MED26: variants seen among roughly 807,000 people sequenced by gnomAD.
MED26 encodes mediator complex subunit 26.
In MED26, 7 loss-of-function variants were observed where a neutral mutation model predicts 43.7. The ratio of observed to expected loss-of-function variants is 0.16; its 90% CI spans 0.09 to 0.30. The LOEUF is 0.30. Ranked by LOEUF, MED26 falls within the 10% of genes least tolerant of loss-of-function variation. MED26 has a pLI of 1.00. For synonymous variants in MED26, 375 were observed against 371.1 expected, an observed-to-expected ratio of 1.01 and a Z score of -0.12; for missense variants, 784 against 840.6, an observed-to-expected ratio of 0.93 and a Z score of 0.83.
chr19:16,603,735 G>A (rs1267224130), intron 1 of MED26, among the ~76,000 whole-genome samples: 1 of 152,146 alleles, frequency 6.6e-6, no homozygotes, highest in African/African-American at 2.4e-5. Flanking sequence ...ACCCAACCTC[G>A]GCTGTTCAAG....
At chr19:16,600,592 C>T (rs777981169) in intron 1 of MED26, among the ~76,000 whole-genome samples, 6 of 152,164 alleles carry the variant, frequency 3.9e-5, no homozygotes, top group Non-Finnish European at 8.8e-5. Flanking sequence ...AGCCTCCTGC[C>T]AGTGGCCTCC....
chr19:16,590,899 G>GCACC (rs201957302), intron 1 of MED26, among the ~76,000 whole-genome samples: 3,629 of 151,982 alleles, frequency 0.024, 127 homozygotes, highest in Admixed American at 0.083. Flanking sequence ...AATTAGCCAG[G>GCACC]CGTGGTGGCA....
At chr19:16,602,978 A>C (rs934445855) in intron 1 of MED26, among the ~76,000 whole-genome samples, 2 of 152,242 alleles carry the variant, frequency 1.3e-5, no homozygotes, top group Non-Finnish European at 2.9e-5. Context: ...AAGATGGTTA[A>C]GTTTTATGGG....
chr19:16,588,053 C>T lies in MED26; in HGVS notation c.73-9644G>A, dbSNP rs1599334861. 3 of 152,282 alleles carry T rather than the reference C, an allele frequency of 2.0e-5. No individual in the cohort carries two copies. In the East Asian group the frequency reaches 5.8e-4, roughly 29 times the overall value. The allele number at this position is 152,282 out of a possible 1,614,324, so 9.4% of individuals were successfully genotyped here. A position where few individuals can be genotyped will look rare whatever the true frequency, so the allele number is the denominator to read the frequency against. ...AAACTACCAACCTAGACTCTCCTGACCTCTGCTTCAGGTCTGCAGAACTTA... is the reference window on the plus strand; with the variant it reads ...AAACTACCAACCTAGACTCTCCTGATCTCTGCTTCAGGTCTGCAGAACTTA... On this transcript the variant is annotated intron_variant, in intron 1 of 2. Transcript: ENST00000263390.
At chr19:16,620,473 C>A (rs1291378181) in intron 1 of MED26, among the ~76,000 whole-genome samples, 1 of 152,216 alleles carries the variant, frequency 6.6e-6, no homozygotes, top group Admixed American at 6.5e-5. Context: ...GACAGCCATT[C>A]CCAAAACTGG....
chr19:16,601,840 C>T (rs924192945), intron 1 of MED26, among the ~76,000 whole-genome samples: 1 of 152,230 alleles, frequency 6.6e-6, no homozygotes, highest in African/African-American at 2.4e-5. Context: ...GTCAGACTGT[C>T]GTTTTAAATA....
chr19:16,622,193 G>A (rs1488474380), intron 1 of MED26, among the ~76,000 whole-genome samples: 1 of 152,212 alleles, frequency 6.6e-6, no homozygotes, highest in African/African-American at 2.4e-5. Flanking sequence ...TAAGGCACGG[G>A]GAGAACTGTT....
chr19:16,585,156 G>A (rs1199034307), intron 1 of MED26, among the ~76,000 whole-genome samples: 1 of 152,198 alleles, frequency 6.6e-6, no homozygotes, highest in Non-Finnish European at 1.5e-5. Flanking sequence ...CTGCTTAACA[G>A]ACCTGGTGCA....
At chr19:16,579,358 A>G (rs1441634827) in intron 1 of MED26, among the ~76,000 whole-genome samples, 1 of 152,186 alleles carries the variant, frequency 6.6e-6, no homozygotes, top group Non-Finnish European at 1.5e-5. Context: ...ATAATCAGGA[A>G]AACTCAAACT....
chr19:16,595,139 C>A (rs1264854216), intron 1 of MED26, among the ~76,000 whole-genome samples: 1 of 152,176 alleles, frequency 6.6e-6, no homozygotes, highest in African/African-American at 2.4e-5. Flanking sequence ...TGTAGGAAAG[C>A]CCACAGTCCA....
intron 1 of MED26, among the ~76,000 whole-genome samples, chr19:16,583,927 G>C (rs1024489050): frequency 3.3e-5 from 5 of 152,148 alleles, no homozygotes; most frequent in African/African-American, 9.7e-5. Flanking sequence ...CCAGGCAGAG[G>C]GTGAACTGGG....
In MED26 at chr19:16,577,011, G is replaced by C. The variant is rs764140705; in HGVS notation, c.819C>G (p.Phe273Leu). ...PHPKGPPRCS[F>L]SPRNSRHEGS... ...CCTCATGCCGTGAGTTCCGAGGACT[G>C]AAAGAGCAGCGAGGGGGTCCCTTGG... The change falls in exon 3 of 3, where the codon TTC becomes TTG. Residue 273 changes from phenylalanine to leucine, a missense_variant. Phe to Leu is a conservative substitution (Grantham distance 22, BLOSUM62 0). Coordinates refer to ENST00000263390, the MANE Select transcript of MED26 (RefSeq NM_004831.5). This position sits in a 1 kb window ranked among gnomAD's most constrained non-coding sequence, Gnocchi z 8.1. 2.5e-6 allele frequency: 4 copies of C among 1,608,176 alleles called. No individual in the cohort carries two copies. Among genetic ancestry groups the C allele is most frequent in the Non-Finnish European group, 3.4e-6 (4 of 1,176,130 alleles).
Position 16,576,906 on chromosome 19 carries a change from A to T in MED26, c.924T>A (p.Asp308Glu), listed in dbSNP as rs771524464. The change falls in exon 3 of 3, where the codon GAT (aspartate) becomes GAA (glutamate). Residue 308 changes from aspartate to glutamate, a missense_variant. Around this residue, in one of 3 missense-constraint regions of MED26, gnomAD observed 719 missense variants for 730.9 expected, o/e 0.98. Coordinates refer to ENST00000263390, the MANE Select transcript of MED26 (RefSeq NM_004831.5). The surrounding 1 kb of genome is among the most constrained non-coding windows in gnomAD (Gnocchi z 6.8). The stretch of plus-strand genomic sequence containing the variant: ...GAAGCGGTGACGGCACCTGTGTGGC[A>T]TCGAGTGCCTGGGGCCGCGGTGAGG... ...PSPSPRPQAL[D>E]ATQVPSPLPL... is the part of the protein sequence containing the mutation. 6 of 1,602,742 alleles carry T rather than the reference A, an allele frequency of 3.7e-6. No individual in the cohort carries two copies. In the South Asian group the frequency reaches 5.6e-5, roughly 15 times the overall value.
At chr19:16,618,624 G>GC (rs2086236451) in intron 1 of MED26, among the ~76,000 whole-genome samples, 1 of 152,108 alleles carries the variant, frequency 6.6e-6, no homozygotes, top group South Asian at 2.1e-4. Context: ...TGGAGCCAAG[G>GC]CCCAACTATT....
intron 1 of MED26, among the ~76,000 whole-genome samples, chr19:16,580,383 T>G (rs2086038677): frequency 6.6e-6 from 1 of 152,064 alleles, no homozygotes; most frequent in Non-Finnish European, 1.5e-5. Context: ...TGTTTTTTTT[T>G]TTGAGATGAA....
At position 16,576,030 on chromosome 19, in the gene MED26, G is replaced by A; in HGVS notation, c.1800C>T (p.Asp600=). 6.2e-7 allele frequency: 1 copy of A among 1,611,372 alleles called. No homozygotes were observed. Among genetic ancestry groups the A allele is most frequent in the Non-Finnish European group, 8.5e-7 (1 of 1,178,484 alleles). Residue 600 remains aspartate, a synonymous_variant, in exon 3 of 3, where the codon GAC becomes GAT. Transcript: ENST00000263390. The surrounding 1 kb of genome is among the most constrained non-coding windows in gnomAD (Gnocchi z 6.8). Reference sequence around the variant, plus strand: ...CACTTTGTGGCTGACAGGCCGGTCAGTCCAAGCAGACATAAGGCAGAATGT... The same window carrying A: ...CACTTTGTGGCTGACAGGCCGGTCAATCCAAGCAGACATAAGGCAGAATGT... The part of the protein sequence containing the change: ...RLNILPYVCL[D]
intron 1 of MED26, among the ~76,000 whole-genome samples, chr19:16,608,806 A>G (rs563993133): frequency 8.5e-5 from 13 of 152,254 alleles, no homozygotes; most frequent in Non-Finnish European, 1.8e-4. Context: ...GAAAATATTT[A>G]CTATCTGGCC....
chr19:16,597,445 C>T (rs930701281), intron 1 of MED26: 4 of 398,654 alleles, frequency 1.0e-5, no homozygotes, highest in Non-Finnish European at 1.8e-5. Context: ...TTGTTTCACA[C>T]CGCACTTCCT....
At chr19:16,607,371 T>TG (rs1045035783) in intron 1 of MED26, among the ~76,000 whole-genome samples, 23 of 130,552 alleles carry the variant, frequency 1.8e-4, no homozygotes, top group Admixed American at 3.9e-4. Context: ...TCTCCTTTTG[T>TG]GGGGAAAAAA....
Sources: gnomAD v4.1 joint callset for allele counts (sites outside exome capture counted in the v4.1 genomes callset) on GRCh38, gnomAD v4.1.1 for gene constraint, gnomAD v4.1.1 regional missense constraint, Gnocchi (gnomAD v3.1) non-coding constraint, MANE v1.5 for transcripts, NCBI Gene and HGNC (gene_info 2026-07-23, HGNC 2026-07-21) for gene names.